Variants in TTF1 observed in about 807,000 individuals in gnomAD.
The protein encoded by TTF1 is transcription termination factor 1, also known as transcription termination factor, RNA polymerase I.
Under a neutral mutation model 80.2 loss-of-function variants are expected in TTF1, and 64 were observed. That is an observed-to-expected ratio of 0.80 (90% confidence interval 0.65 to 0.98). The LOEUF (loss-of-function observed/expected upper bound fraction) is 0.98. TTF1 is among the 50% of genes least tolerant of loss of function. TTF1 has a pLI of 0.00. For synonymous variants in TTF1, 372 were observed against 382.7 expected, an observed-to-expected ratio of 0.97 and a Z score of 0.33; for missense variants, 1,023 against 1,086.2, an observed-to-expected ratio of 0.94 and a Z score of 0.82.
intron 5 of TTF1, among the ~76,000 whole-genome samples, chr9:132,394,198 G>C (rs182946595): frequency 2.4e-4 from 36 of 152,058 alleles, no homozygotes; most frequent in African/African-American, 8.7e-4. Context: ...ACCGCACCCA[G>C]CCAAAAACAA....
At chr9:132,378,128 TG>T (rs1476445190) in intron 10 of TTF1, among the ~76,000 whole-genome samples, 9 of 89,148 alleles carry the variant, frequency 1.0e-4, no homozygotes, top group African/African-American at 4.0e-4. Context: ...TGCATGCATG[TG>T]GTGTGTGTGA....
At chr9:132,406,477 C>T (rs920706183) in intron 1 of TTF1, among the ~76,000 whole-genome samples, 1 of 152,100 alleles carries the variant, frequency 6.6e-6, no homozygotes, top group Non-Finnish European at 1.5e-5. Flanking sequence ...TGGCGGGCGC[C>T]TATAATCCCA....
intron 4 of TTF1, 130 bp from the exon 5 acceptor site, chr9:132,396,641 G>T: frequency 2.8e-6 from 2 of 717,658 alleles, no homozygotes; most frequent in Non-Finnish European, 4.9e-6. Flanking sequence ...GATTTCCTAC[G>T]TCCTGAAGAA....
intron 4 of TTF1, among the ~76,000 whole-genome samples, chr9:132,397,257 C>G (rs561807580): frequency 2.0e-5 from 3 of 152,298 alleles, no homozygotes; most frequent in Non-Finnish European, 4.4e-5. Context: ...GAACAATAAT[C>G]TTTCCCAAAT....
At chr9:132,385,594 T>G (rs1336798369) in intron 9 of TTF1, among the ~76,000 whole-genome samples, 1 of 152,220 alleles carries the variant, frequency 6.6e-6, no homozygotes, top group Non-Finnish European at 1.5e-5. Context: ...TCCGAACATC[T>G]TCAGTCTCAT....
chr9:132,399,976 G>T (rs1003033269), intron 3 of TTF1, 59 bp downstream of exon 3: 2 of 1,552,314 alleles, frequency 1.3e-6, no homozygotes, highest in African/African-American at 2.7e-5. Context: ...ATAAAAGAAA[G>T]TTAGGTGCTA....
intron 9 of TTF1, among the ~76,000 whole-genome samples, chr9:132,385,211 A>G (rs1375512102): frequency 6.6e-6 from 1 of 152,104 alleles, no homozygotes; most frequent in East Asian, 1.9e-4. Flanking sequence ...GCCAGACCCC[A>G]CACCAGACCA....
intron 9 of TTF1, among the ~76,000 whole-genome samples, chr9:132,380,277 C>T (rs1849347050): frequency 6.6e-6 from 1 of 152,084 alleles, no homozygotes. Context: ...TAGGGCTTCA[C>T]CATGCTGGCC....
chr9:132,389,182 C>CTTTT (rs548985050), intron 7 of TTF1, among the ~76,000 whole-genome samples: 15 of 135,136 alleles, frequency 1.1e-4, no homozygotes, highest in African/African-American at 3.1e-4. Context: ...CTCACTCTTC[C>CTTTT]TTTTTTTTTT....
chr9:132,378,895 TCTGGAAGTC>T (rs1849315749), intron 10 of TTF1, among the ~76,000 whole-genome samples, 155 bp downstream of exon 10: 1 of 152,058 alleles, frequency 6.6e-6, no homozygotes, highest in Non-Finnish European at 1.5e-5. Context: ...ATTTAGGACT[TCTGGAAGTC>T]CTGTCAGATA....
chr9:132,387,695 TA>T (rs1391116028), intron 8 of TTF1, among the ~76,000 whole-genome samples: 1 of 151,896 alleles, frequency 6.6e-6, no homozygotes, highest in Non-Finnish European at 1.5e-5. Flanking sequence ...TTCAACACTT[TA>T]GGGGGGACCC....
intron 10 of TTF1, among the ~76,000 whole-genome samples, chr9:132,378,631 GGTGT>G (rs558837914): frequency 2.5e-5 from 2 of 81,492 alleles, no homozygotes; most frequent in African/African-American, 1.4e-4. Context: ...GCATGTGGTT[GGTGT>G]GAGTGCATGT....
rs372451242 is a variant in TTF1 at position 132,392,047 on chromosome 9, C to T, written c.1987+29G>A. 647 of 1,612,860 alleles carry T rather than the reference C, an allele frequency of 4.0e-4. 1 individual carries two copies. The highest frequency in any genetic ancestry group is 3.6e-4 in the Non-Finnish European group (425 of 1,179,774). ...GGCCTGTCAGGGCTTATTTCTTCAG[C>T]GAGGTGGGCACTGGGGGCTGCCACT... On this transcript the variant is annotated intron_variant, in intron 6 of 10. Transcript: ENST00000334270.
chr9:132,404,307 G>A (rs1849822277), intron 1 of TTF1, among the ~76,000 whole-genome samples: 1 of 152,032 alleles, frequency 6.6e-6, no homozygotes. Context: ...AATTTATCCG[G>A]GGTAGTAAAT....
chr9:132,391,991 TC>T, intron 6 of TTF1, 84 bp downstream of exon 6: 2 of 1,583,978 alleles, frequency 1.3e-6, no homozygotes, highest in Non-Finnish European at 1.7e-6. Flanking sequence ...TACGGTGATT[TC>T]CGGGCATTGG....
intron 6 of TTF1, 124 bp downstream of exon 6, chr9:132,391,952 A>T: frequency 6.9e-7 from 1 of 1,456,162 alleles, no homozygotes; most frequent in Non-Finnish European, 9.2e-7. Context: ...GAACAGCTTA[A>T]GAAACAAAGC....
At chr9:132,400,749 CAGAG>C (rs1385618705) in intron 2 of TTF1, among the ~76,000 whole-genome samples, 1 of 152,208 alleles carries the variant, frequency 6.6e-6, no homozygotes, top group Non-Finnish European at 1.5e-5. Context: ...GGATATATCT[CAGAG>C]GGAGCCTAGA....
chr9:132,397,844 G>C (rs1369285749), intron 4 of TTF1, among the ~76,000 whole-genome samples: 1 of 152,122 alleles, frequency 6.6e-6, no homozygotes, highest in Non-Finnish European at 1.5e-5. Context: ...AAATTAGCTG[G>C]GCGTGGTGGT....
intron 10 of TTF1, among the ~76,000 whole-genome samples, chr9:132,376,663 T>C (rs1439993359): frequency 7.8e-6 from 1 of 128,094 alleles, no homozygotes; most frequent in African/African-American, 3.1e-5. Context: ...ATCTGTATCC[T>C]TTTTTTTTTT....
Sources: gnomAD v4.1 joint callset for allele counts (sites outside exome capture counted in the v4.1 genomes callset) on GRCh38, gnomAD v4.1.1 for gene constraint, MANE v1.5 for transcripts, NCBI Gene and HGNC (gene_info 2026-07-23, HGNC 2026-07-21) for gene names.